Variants in LHFPL3 observed in about 807,000 individuals in gnomAD.
LHFPL3 encodes the protein LHFPL tetraspan subfamily member 3.
In LHFPL3, 5 loss-of-function variants were observed where a neutral mutation model predicts 19.3. The ratio of observed to expected loss-of-function variants is 0.26; its 90% CI spans 0.14 to 0.54. LHFPL3 has a LOEUF of 0.54. Ranked by LOEUF, LHFPL3 falls within the 20% of genes least tolerant of loss-of-function variation. LHFPL3 has a pLI of 0.94. For missense variants in LHFPL3, 249 were observed against 307.4 expected (o/e 0.81, Z 1.42); for synonymous variants, 133 against 126.2 (o/e 1.05, Z -0.36).
intron 1 of LHFPL3, among the ~76,000 whole-genome samples, chr7:104,518,419 A>G (rs899964052): frequency 3.4e-4 from 52 of 152,284 alleles, no homozygotes; most frequent in African/African-American, 1.2e-3. Context: ...GAAGAAAAGG[A>G]ATGGTATAAA....
At chr7:104,839,988 TTAA>T (rs1363860656) in intron 2 of LHFPL3, among the ~76,000 whole-genome samples, 5 of 151,746 alleles carry the variant, frequency 3.3e-5, no homozygotes, top group Admixed American at 1.3e-4. Context: ...GACTGGATAA[TTAA>T]TATTATTAAT....
At chr7:104,419,743 C>T (rs550957903) in intron 1 of LHFPL3, among the ~76,000 whole-genome samples, 2 of 151,922 alleles carry the variant, frequency 1.3e-5, no homozygotes, top group African/African-American at 2.4e-5. Context: ...AGTCATTGGA[C>T]GTATGGTTTA....
intron 2 of LHFPL3, among the ~76,000 whole-genome samples, chr7:104,790,012 C>G (rs1409282344): frequency 6.6e-6 from 1 of 152,128 alleles, no homozygotes; most frequent in Non-Finnish European, 1.5e-5. Context: ...TTCCGAATTT[C>G]CTGATTTATC....
chr7:104,414,021 C>T (rs957858414), intron 1 of LHFPL3, among the ~76,000 whole-genome samples: 1 of 151,712 alleles, frequency 6.6e-6, no homozygotes, highest in African/African-American at 2.4e-5. Context: ...TATAATATTA[C>T]AGTACAGAGT....
chr7:104,571,944 G>A (rs1010389798), intron 1 of LHFPL3, among the ~76,000 whole-genome samples: 2 of 152,158 alleles, frequency 1.3e-5, no homozygotes, highest in East Asian at 1.9e-4. Context: ...AGTATGTAAA[G>A]TAGAATATAA....
intron 1 of LHFPL3, among the ~76,000 whole-genome samples, chr7:104,387,909 T>G (rs1427775059): frequency 6.6e-6 from 1 of 152,184 alleles, no homozygotes; most frequent in Non-Finnish European, 1.5e-5. Context: ...GCATAGTACC[T>G]GATAAGTAGT....
chr7:104,815,087 C>T (rs974759701), intron 2 of LHFPL3, among the ~76,000 whole-genome samples: 3 of 152,158 alleles, frequency 2.0e-5, no homozygotes, highest in East Asian at 1.9e-4. Flanking sequence ...GTGGGACTCC[C>T]GCCTGCCCCC....
At chr7:104,869,620 G>A (rs1396402651) in intron 2 of LHFPL3, among the ~76,000 whole-genome samples, 1 of 152,068 alleles carries the variant, frequency 6.6e-6, no homozygotes, top group Non-Finnish European at 1.5e-5. Flanking sequence ...TGGAGAAATA[G>A]GAACACTTTT....
Position 104,536,943 on chromosome 7 carries a change from C to G in LHFPL3, c.446-199732C>G, listed in dbSNP as rs370657141. Reference sequence around the variant, plus strand: ...TTCTCCTATATTCTTTCCTATAGTCCTTATACATCAATGTCATGGACTATT... The same window carrying G: ...TTCTCCTATATTCTTTCCTATAGTCGTTATACATCAATGTCATGGACTATT... On this transcript the variant is annotated intron_variant, in intron 1 of 2. Transcript: ENST00000424859. 4.6e-5 allele frequency among the ~76,000 whole-genome samples: 7 copies of G among 152,198 alleles called. No individual in the cohort carries two copies. The East Asian group carries it at 7.7e-4, about 17-fold the overall frequency.
intron 1 of LHFPL3, among the ~76,000 whole-genome samples, chr7:104,730,232 T>A (rs1365911077): frequency 6.6e-6 from 1 of 152,224 alleles, no homozygotes; most frequent in Non-Finnish European, 1.5e-5. Context: ...TATAGCAGCA[T>A]GATTTATATT....
At chr7:104,333,622 C>T (rs1220616011) in intron 1 of LHFPL3, among the ~76,000 whole-genome samples, 1 of 152,132 alleles carries the variant, frequency 6.6e-6, no homozygotes, top group Non-Finnish European at 1.5e-5. Flanking sequence ...CGCTTGCTAC[C>T]TTAAATTTTA....
chr7:104,814,769 G>T (rs543606555), intron 2 of LHFPL3, among the ~76,000 whole-genome samples: 1 of 152,352 alleles, frequency 6.6e-6, no homozygotes, highest in African/African-American at 2.4e-5. Context: ...CAGGGTGCTG[G>T]CGTGTCAGCA....
intron 1 of LHFPL3, among the ~76,000 whole-genome samples, chr7:104,593,608 C>T (rs959280945): frequency 2.6e-5 from 4 of 152,108 alleles, no homozygotes; most frequent in African/African-American, 9.7e-5. Context: ...AACCTTCTGT[C>T]TTGTTGATCT....
chr7:104,655,256 T>C (rs1308813442), intron 1 of LHFPL3, among the ~76,000 whole-genome samples: 1 of 152,182 alleles, frequency 6.6e-6, no homozygotes, highest in Non-Finnish European at 1.5e-5. Context: ...TTCTACATAT[T>C]GTCTCCTCTA....
At chr7:104,581,695 T>G (rs1474364509) in intron 1 of LHFPL3, among the ~76,000 whole-genome samples, 1 of 152,078 alleles carries the variant, frequency 6.6e-6, no homozygotes, top group Non-Finnish European at 1.5e-5. Context: ...GTTTACTTTT[T>G]CCATATAGAT....
intron 2 of LHFPL3, among the ~76,000 whole-genome samples, chr7:104,817,721 A>G (rs1324322825): frequency 6.6e-6 from 1 of 152,166 alleles, no homozygotes; most frequent in Non-Finnish European, 1.5e-5. Context: ...TCCCTCAGAC[A>G]GTACTACTTC....
intron 1 of LHFPL3, among the ~76,000 whole-genome samples, chr7:104,412,365 A>G (rs796980982): frequency 3.9e-5 from 6 of 152,202 alleles, no homozygotes; most frequent in African/African-American, 1.2e-4. Context: ...AATCCACCCC[A>G]TACCCCTTCC....
chr7:104,605,072 C>A (rs1313048976), intron 1 of LHFPL3, among the ~76,000 whole-genome samples: 1 of 152,170 alleles, frequency 6.6e-6, no homozygotes, highest in Non-Finnish European at 1.5e-5. Flanking sequence ...TTTTCAGCTG[C>A]CATCCCAAGT....
At chr7:104,603,754 A>G (rs1791032632) in intron 1 of LHFPL3, among the ~76,000 whole-genome samples, 1 of 152,232 alleles carries the variant, frequency 6.6e-6, no homozygotes, top group African/African-American at 2.4e-5. Flanking sequence ...CAAGTTCAAA[A>G]CCCAATAGGA....
Sources: allele counts gnomAD v4.1 joint callset (sites outside exome capture counted in the v4.1 genomes callset), GRCh38; gene constraint gnomAD v4.1.1; transcripts MANE v1.5; gene names NCBI Gene and HGNC (gene_info 2026-07-23, HGNC 2026-07-21).